Variants in SMC2 observed in about 807,000 individuals in gnomAD.
The protein encoded by SMC2 is structural maintenance of chromosomes protein 2.
In SMC2, 41 loss-of-function variants were observed where a neutral mutation model predicts 142.6. The observed-to-expected ratio is 0.29, with a 90% CI of 0.22 to 0.37. SMC2 has a LOEUF of 0.37. Among genes scored for constraint, SMC2 ranks in the 10% least tolerant of loss-of-function variants. The pLI is 1.00. For missense variants in SMC2, 1,265 were observed against 1,373.7 expected (o/e 0.92, Z 1.25); for synonymous variants, 463 against 457.5 (o/e 1.01, Z -0.15).
chr9:104,134,283 G>T, intron 22 of SMC2, 132 bp from the exon 23 acceptor site: 1 of 548,816 alleles, frequency 1.8e-6, no homozygotes, highest in Non-Finnish European at 3.1e-6. Flanking sequence ...TTTCACATGG[G>T]CCATAGTTTG....
At chr9:104,124,209 CCCG>C (rs1564104304) in intron 17 of SMC2, among the ~76,000 whole-genome samples, 18 of 152,266 alleles carry the variant, frequency 1.2e-4, no homozygotes, top group Non-Finnish European at 2.4e-4. Flanking sequence ...TCCTCAGCCT[CCCG>C]AGTAGCTGGG....
upstream of SMC2, among the ~76,000 whole-genome samples, chr9:104,091,284 T>C (rs893616163): frequency 6.6e-6 from 1 of 152,246 alleles, no homozygotes; most frequent in African/African-American, 2.4e-5. Context: ...CAAACTTTTA[T>C]AGCATATTAC....
intron 23 of SMC2, 26 bp downstream of exon 23, chr9:104,134,601 A>AAAT: frequency 2.7e-6 from 4 of 1,471,060 alleles, no homozygotes; most frequent in South Asian, 1.3e-5. Flanking sequence ...GCTATATTAT[A>AAAT]ATTTTCATTC....
chr9:104,116,373 A>AAGTT (rs890546583), intron 14 of SMC2, 54 bp downstream of exon 14: 18 of 1,488,638 alleles, frequency 1.2e-5, no homozygotes, highest in Middle Eastern at 1.7e-4. Flanking sequence ...TGGTTTTTTT[A>AAGTT]AGTTAGAAGA....
chr9:104,128,121 T>A (rs574588736), intron 20 of SMC2, among the ~76,000 whole-genome samples: 15 of 152,348 alleles, frequency 9.8e-5, no homozygotes, highest in African/African-American at 3.4e-4. Context: ...GCATGTTTTC[T>A]TATGAGTGTG....
chr9:104,134,638 C>T, intron 23 of SMC2, 63 bp downstream of exon 23: 2 of 1,143,156 alleles, frequency 1.7e-6, no homozygotes, highest in Non-Finnish European at 2.4e-6. Flanking sequence ...ATCTCCTTAC[C>T]TTAAAACTGT....
chr9:104,096,407 TG>T (rs1830450316), intron 3 of SMC2, 110 bp downstream of exon 3: 1 of 978,724 alleles, frequency 1.0e-6, no homozygotes, highest in East Asian at 2.4e-5. Flanking sequence ...GCAAAATTGG[TG>T]CCTTAAATTC....
intron 15 of SMC2, among the ~76,000 whole-genome samples, chr9:104,118,689 A>G (rs1207081111): frequency 6.6e-6 from 1 of 150,460 alleles, no homozygotes; most frequent in African/African-American, 2.5e-5. Flanking sequence ...TATTTACTGT[A>G]TACCAGACAG....
intron 23 of SMC2, 28 bp from the exon 24 acceptor site, chr9:104,137,990 T>C (rs1176290699): frequency 2.7e-6 from 4 of 1,505,312 alleles, no homozygotes; most frequent in African/African-American, 1.4e-5. Flanking sequence ...ATCAAATTTT[T>C]ATGGCTTTTC....
At chr9:104,134,162 T>C (rs1333626783) in intron 22 of SMC2, among the ~76,000 whole-genome samples, 1 of 152,054 alleles carries the variant, frequency 6.6e-6, no homozygotes, top group African/African-American at 2.4e-5. Flanking sequence ...AAGGGCCATA[T>C]AGTAAATATT....
At chr9:104,112,368 C>T (rs564889040) in intron 10 of SMC2, among the ~76,000 whole-genome samples, 1 of 152,148 alleles carries the variant, frequency 6.6e-6, no homozygotes. Context: ...TAATGTTTCT[C>T]AGATTTTACA....
At chr9:104,105,066 T>C (rs1439918044) in intron 9 of SMC2, among the ~76,000 whole-genome samples, 1 of 152,218 alleles carries the variant, frequency 6.6e-6, no homozygotes, top group Non-Finnish European at 1.5e-5. Context: ...TCGCATGTAT[T>C]CTTCCCACTT....
intron 9 of SMC2, among the ~76,000 whole-genome samples, chr9:104,107,851 T>C (rs1439999484): frequency 6.6e-6 from 1 of 152,222 alleles, no homozygotes; most frequent in Non-Finnish European, 1.5e-5. Context: ...TAGCGTCTTA[T>C]TCTCCACTTG....
At chr9:104,136,755 C>CTTTT (rs755408895) in intron 23 of SMC2, among the ~76,000 whole-genome samples, 3,350 of 119,570 alleles carry the variant, frequency 0.028, 115 homozygotes, top group African/African-American at 0.088. Flanking sequence ...CTGTTTTATT[C>CTTTT]TTTTTTTTTT....
chr9:104,100,545 G>C (rs1830996330), intron 7 of SMC2, 112 bp downstream of exon 7: 2 of 690,934 alleles, frequency 2.9e-6, no homozygotes, highest in African/African-American at 3.7e-5. Flanking sequence ...TTCCTGCGAT[G>C]AGATAAGGAA....
chr9:104,119,254 T>C (rs962656475), intron 15 of SMC2, among the ~76,000 whole-genome samples: 3 of 152,198 alleles, frequency 2.0e-5, no homozygotes, highest in African/African-American at 7.2e-5. Flanking sequence ...GAAGAAACTT[T>C]TTAGATTTTG....
In SMC2 at chr9:104,132,058, A is replaced by G. The variant is rs1324659078; in HGVS notation, c.3041A>G (p.Lys1014Arg). 2.5e-6 allele frequency: 4 copies of G among 1,602,546 alleles called. No individual in the cohort carries two copies. Among genetic ancestry groups the G allele is most frequent in the South Asian group, 2.3e-5 (2 of 88,856 alleles). Residue 1014 changes from lysine (K) to arginine (R), a missense_variant, in exon 22 of 25, where the codon AAA (lysine) becomes AGA (arginine). Around this residue, in one of 4 missense-constraint regions of SMC2, gnomAD observed 192 missense variants for 261.9 expected, o/e 0.73. Coordinates refer to ENST00000374793, the MANE Select transcript of SMC2 (RefSeq NM_006444.3). ...AGAATTGTAGAAAATGACAAATCCA[A>G]AATTCTTACAACTATAGAAGACCTT... Reference protein sequence around the residue: ...KKRIVENDKSKILTTIEDLDQ... With the variant: ...KKRIVENDKSRILTTIEDLDQ...
Position 104,141,245 on chromosome 9 carries a change from C to G in SMC2, c.*1930C>G, listed in dbSNP as rs1252430646. ...ACTGTTGTTGTCAGCATGGTGTAAT[C>G]GAGGAATTGAGTGAGTTGAGCAGAA... On this transcript the variant is annotated 3_prime_UTR_variant, in exon 25 of 25. Coordinates refer to ENST00000374793, the MANE Select transcript of SMC2 (RefSeq NM_006444.3). 1.3e-5 allele frequency: 2 copies of G among 151,970 alleles called. No homozygotes were observed. Among genetic ancestry groups the G allele is most frequent in the Non-Finnish European group, 2.9e-5 (2 of 68,000 alleles). 9.4% of individuals were successfully genotyped at this position (151,970 alleles called of 1,614,324 possible).
Position 104,141,205 on chromosome 9 carries a change from C to A in SMC2, c.*1890C>A, listed in dbSNP as rs1002919888. The stretch of plus-strand genomic sequence containing the variant: ...TTGTCATATTTAATCCTCAGAGTAA[C>A]CTAGTGAGGTAAATACTGTTGTTGT... On this transcript the variant is annotated 3_prime_UTR_variant, in exon 25 of 25. Coordinates refer to ENST00000374793, the MANE Select transcript of SMC2 (RefSeq NM_006444.3). 3.3e-5 allele frequency: 5 copies of A among 152,030 alleles called. No individual in the cohort carries two copies. Among genetic ancestry groups the A allele is most frequent in the African/African-American group, 1.2e-4 (5 of 41,388 alleles). 9.4% of individuals were successfully genotyped at this position (152,030 alleles called of 1,614,324 possible).
Sources: allele counts gnomAD v4.1 joint callset (sites outside exome capture counted in the v4.1 genomes callset), GRCh38; gene constraint gnomAD v4.1.1; regional missense constraint gnomAD v4.1.1; transcripts MANE v1.5; gene names NCBI Gene and HGNC (gene_info 2026-07-23, HGNC 2026-07-21).